The following PTPRE variants were observed in gnomAD, a reference collection of about 807,000 sequenced individuals.
The protein encoded by PTPRE is protein tyrosine phosphatase receptor type E.
Under a neutral mutation model 102.0 loss-of-function variants are expected in PTPRE, and 51 were observed. That is an observed-to-expected ratio of 0.50 (90% CI 0.40 to 0.63). PTPRE has a LOEUF of 0.63. Among genes scored for constraint, PTPRE ranks in the 30% least tolerant of loss-of-function variants. PTPRE has a pLI of 0.00. For missense variants in PTPRE, 752 were observed against 915.1 expected (o/e 0.82, Z 2.30); for synonymous variants, 345 against 348.2 (o/e 0.99, Z 0.10).
rs1197572163 is a variant in PTPRE at position 128,028,762 on chromosome 10, T to C, written c.-7-12113T>C. 1.3e-5 allele frequency among the ~76,000 whole-genome samples: 2 copies of C among 152,070 alleles called. No homozygotes were observed. The highest frequency in any genetic ancestry group is 4.8e-5 in the African/African-American group (2 of 41,414). On this transcript the variant is annotated intron_variant, in intron 2 of 20. Transcript: ENST00000254667. The surrounding 1 kb of genome is among the most constrained non-coding windows in gnomAD (Gnocchi z 4.5). The stretch of plus-strand genomic sequence containing the variant: ...ATCTGCTCCCAGGAAGAAGCCTCCA[T>C]CCCTGCGGAGGGCTTGAGACCCTCT...
intron 1 of PTPRE, among the ~76,000 whole-genome samples, chr10:127,911,246 A>C (rs1845848488): frequency 6.6e-6 from 1 of 152,194 alleles, no homozygotes; most frequent in South Asian, 2.1e-4. Context: ...TTATTATGTA[A>C]ATTTTGCGTG....
At chr10:128,043,368 C>T (rs561326292) in intron 3 of PTPRE, among the ~76,000 whole-genome samples, 1 of 152,314 alleles carries the variant, frequency 6.6e-6, no homozygotes, top group East Asian at 1.9e-4. Flanking sequence ...AACCTAGATC[C>T]CTGGCATGCG....
At chr10:127,945,508 C>A (rs928279156) in intron 1 of PTPRE, among the ~76,000 whole-genome samples, 2 of 152,210 alleles carry the variant, frequency 1.3e-5, no homozygotes, top group African/African-American at 2.4e-5. Context: ...GAATGCCATG[C>A]TTCAAAGGAA....
chr10:128,031,337 C>T (rs117380000), intron 2 of PTPRE, among the ~76,000 whole-genome samples: 3,159 of 152,166 alleles, frequency 0.021, 43 homozygotes, highest in Middle Eastern at 0.031. Flanking sequence ...CACCCCTGAG[C>T]GGAGGCTCCG....
chr10:127,999,936 A>G, intron 2 of PTPRE: 1 of 985,448 alleles, frequency 1.0e-6, no homozygotes, highest in Non-Finnish European at 1.2e-6. Context: ...TTGATCACCT[A>G]GGGGCTACTG....
Position 128,008,245 on chromosome 10 carries a change from CTCCCTCCCTCTCTCCCTCAT to C in PTPRE, c.-8+25960_-8+25979del. ...CTCGCCTCCCTCCCTCCCTTTCACCCTCCCTCCCTCTCTCCCTCATTCCCTCCCTCCCTCCCTCCAGGTGC... is the reference window on the plus strand; with the variant it reads ...CTCGCCTCCCTCCCTCCCTTTCACCCTCCCTCCCTCCCTCCCTCCAGGTGC... On this transcript the variant is annotated intron_variant, in intron 2 of 20. Coordinates refer to ENST00000254667, the MANE Select transcript of PTPRE (RefSeq NM_006504.6). The surrounding 1 kb of genome is among the most constrained non-coding windows in gnomAD (Gnocchi z 4.0). Among the ~76,000 whole-genome samples the C allele has an allele frequency of 6.6e-6, 1 of 151,698 alleles. No homozygotes were observed.
rs1484109153 is a variant in PTPRE at position 128,063,029 on chromosome 10, C to T, written c.626-54C>T. On this transcript the variant is annotated intron_variant, in intron 9 of 20. Coordinates refer to ENST00000254667, the MANE Select transcript of PTPRE (RefSeq NM_006504.6). ...CGGCCAGGGTGCCGGGGCTGGGACCCCAAAGGGACTTCCCTTCATGCCTTT... is the reference window on the plus strand; with the variant it reads ...CGGCCAGGGTGCCGGGGCTGGGACCTCAAAGGGACTTCCCTTCATGCCTTT... The T allele has an allele frequency of 4.4e-6, 7 of 1,607,920 alleles. No individual in the cohort carries two copies. The Admixed American group carries it at 1.2e-4, about 27-fold the overall frequency.
chr10:128,032,067 G>A (rs1374484369), intron 2 of PTPRE, among the ~76,000 whole-genome samples: 1 of 152,132 alleles, frequency 6.6e-6, no homozygotes, highest in Non-Finnish European at 1.5e-5. Flanking sequence ...CCAGGCTGGA[G>A]TGCAGTGGCG....
At chr10:127,990,511 A>G (rs922351482) in intron 2 of PTPRE, among the ~76,000 whole-genome samples, 3 of 152,174 alleles carry the variant, frequency 2.0e-5, no homozygotes, top group African/African-American at 7.2e-5. Context: ...GGTCTAAAAC[A>G]TAAAGGGCTG....
rs1365674903 is a variant in PTPRE at position 128,085,476 on chromosome 10, G to A, written c.*2570G>A. On this transcript the variant is annotated 3_prime_UTR_variant, in exon 21 of 21. Transcript: ENST00000254667. ...TGGTCACTATGTGACTGCCTTTACG[G>A]TTTCTCTCCATGTGCTATATGAATG... 2 of 155,754 alleles carry A rather than the reference G, an allele frequency of 1.3e-5. No homozygotes were observed. Among genetic ancestry groups the A allele is most frequent in the African/African-American group, 4.8e-5 (2 of 41,604 alleles). The allele number at this position is 155,754 out of a possible 1,614,324, so 9.6% of individuals were successfully genotyped here.
At chr10:127,908,667 C>G (rs1845661216) in intron 1 of PTPRE, among the ~76,000 whole-genome samples, 1 of 152,144 alleles carries the variant, frequency 6.6e-6, no homozygotes, top group African/African-American at 2.4e-5. Context: ...GTGGAGCAGG[C>G]CCAAGAGGTG....
At chr10:128,039,182 T>TA (rs1020733170) in intron 2 of PTPRE, among the ~76,000 whole-genome samples, 4 of 152,222 alleles carry the variant, frequency 2.6e-5, no homozygotes, top group Non-Finnish European at 5.9e-5. Flanking sequence ...ACCAGATTTT[T>TA]AAAAACAGTG....
chr10:128,082,195 CTTTTTTTT>C lies in PTPRE; in HGVS notation c.2029-616_2029-609del, dbSNP rs35709074. Among the ~76,000 whole-genome samples, 13 of 89,062 alleles carry C rather than the reference CTTTTTTTT, an allele frequency of 1.5e-4. 1 individual carries two copies. Among genetic ancestry groups the C allele is most frequent in the African/African-American group, 2.3e-4 (5 of 22,008 alleles). The allele number at this position is 89,062 out of a possible 152,430, so 58.4% of individuals were successfully genotyped here. On this transcript the variant is annotated intron_variant, in intron 20 of 20. Coordinates refer to ENST00000254667, the MANE Select transcript of PTPRE (RefSeq NM_006504.6). The stretch of plus-strand genomic sequence containing the variant: ...TTAGTACTCTGATTTTTTTCTCTTT[CTTTTTTTT>C]TTTTTTTTTTTTTTTTTTTTGAGAC...
At chr10:128,078,336 G>A (rs564004767) in intron 19 of PTPRE, among the ~76,000 whole-genome samples, 2 of 152,372 alleles carry the variant, frequency 1.3e-5, no homozygotes, top group Admixed American at 6.5e-5. Flanking sequence ...AGGTGAAGGC[G>A]TGAAACACAG....
intron 1 of PTPRE, among the ~76,000 whole-genome samples, chr10:127,916,623 G>A (rs975984448): frequency 7.2e-5 from 11 of 152,192 alleles, no homozygotes; most frequent in African/African-American, 2.7e-4. Flanking sequence ...CCATGTGCTT[G>A]CCTGGCAGTA....
At chr10:127,982,647 C>T (rs1851736000) in intron 2 of PTPRE, among the ~76,000 whole-genome samples, 1 of 152,118 alleles carries the variant, frequency 6.6e-6, no homozygotes, top group Non-Finnish European at 1.5e-5. Flanking sequence ...ATCTCAATGG[C>T]ACACATCTGA....
chr10:128,051,217 G>GTCCC (rs1848539756), intron 6 of PTPRE, among the ~76,000 whole-genome samples: 1 of 152,204 alleles, frequency 6.6e-6, no homozygotes, highest in Non-Finnish European at 1.5e-5. Flanking sequence ...GGGTGTCTGA[G>GTCCC]TCAGAACCAG....
intron 1 of PTPRE, among the ~76,000 whole-genome samples, chr10:127,921,372 G>T (rs984979995): frequency 1.3e-5 from 2 of 152,208 alleles, no homozygotes; most frequent in African/African-American, 2.4e-5. Flanking sequence ...CAAGACGGAG[G>T]AGTGATGCCT....
intron 1 of PTPRE, among the ~76,000 whole-genome samples, chr10:127,930,805 T>A (rs1485691330): frequency 6.6e-6 from 1 of 151,432 alleles, no homozygotes; most frequent in African/African-American, 2.4e-5. Context: ...TACTTTTTTT[T>A]TTTTTTGAGA....
Sources: allele counts gnomAD v4.1 joint callset (sites outside exome capture counted in the v4.1 genomes callset), GRCh38; gene constraint gnomAD v4.1.1; non-coding constraint Gnocchi (gnomAD v3.1); transcripts MANE v1.5; gene names NCBI Gene and HGNC (gene_info 2026-07-23, HGNC 2026-07-21).